The following GRM7 variants were observed in gnomAD, a reference collection of about 807,000 sequenced individuals.
The protein encoded by GRM7 is metabotropic glutamate receptor 7.
In GRM7, 35 loss-of-function variants were observed where a neutral mutation model predicts 84.5. That is an observed-to-expected ratio of 0.41 (90% CI 0.32 to 0.55). The LOEUF (loss-of-function observed/expected upper bound fraction) is 0.55, where lower values mean the gene tolerates loss of function less well. Ranked by LOEUF, GRM7 falls within the 20% of genes least tolerant of loss-of-function variation. GRM7 has a pLI of 0.19. For synonymous variants in GRM7, 487 were observed against 455.1 expected (o/e 1.07, Z -0.89); for missense variants, 1,003 against 1,194.6 (o/e 0.84, Z 2.36).
chr3:7,123,235 G>T (rs1479741617), intron 1 of GRM7, among the ~76,000 whole-genome samples: 1 of 152,208 alleles, frequency 6.6e-6, no homozygotes, highest in Non-Finnish European at 1.5e-5. Flanking sequence ...AAGCTGCCTT[G>T]ATGAGGGTGA....
At chr3:7,178,284 T>C (rs1695220300) in intron 2 of GRM7, among the ~76,000 whole-genome samples, 1 of 151,914 alleles carries the variant, frequency 6.6e-6, no homozygotes, top group Admixed American at 6.6e-5. Context: ...ACTTAGAAGC[T>C]TTTTTTTAGG....
chr3:7,540,005 A>C (rs545891589), intron 7 of GRM7, among the ~76,000 whole-genome samples: 1 of 152,200 alleles, frequency 6.6e-6, no homozygotes, highest in Non-Finnish European at 1.5e-5. Context: ...TCCTTTTAAT[A>C]ACTTTGCAAA....
intron 7 of GRM7, among the ~76,000 whole-genome samples, chr3:7,561,893 CA>C (rs1694043065): frequency 6.6e-6 from 1 of 152,106 alleles, no homozygotes; most frequent in Non-Finnish European, 1.5e-5. Flanking sequence ...CCAAACTCCA[CA>C]AGGCATGGGA....
At chr3:7,220,710 ATAG>A (rs1396293216) in intron 2 of GRM7, among the ~76,000 whole-genome samples, 1 of 152,236 alleles carries the variant, frequency 6.6e-6, no homozygotes, top group Non-Finnish European at 1.5e-5. Context: ...TTAGATGTTA[ATAG>A]TAGGGGAGAC....
intron 8 of GRM7, among the ~76,000 whole-genome samples, chr3:7,657,467 A>G (rs574774765): frequency 6.6e-6 from 1 of 152,234 alleles, no homozygotes; most frequent in Non-Finnish European, 1.5e-5. Flanking sequence ...TGAAGCAGCT[A>G]CAACATGTTA....
intron 7 of GRM7, among the ~76,000 whole-genome samples, chr3:7,527,278 T>C (rs1700844495): frequency 6.6e-6 from 1 of 152,074 alleles, no homozygotes; most frequent in African/African-American, 2.4e-5. Flanking sequence ...TTTTATTCTT[T>C]TGTGGCTATT....
chr3:7,325,834 T>A (rs532219685), intron 4 of GRM7, among the ~76,000 whole-genome samples: 1 of 152,308 alleles, frequency 6.6e-6, no homozygotes, highest in East Asian at 1.9e-4. Context: ...TGGGTATTTA[T>A]GAGCTTCCTC....
At chr3:7,374,640 G>A (rs1694269624) in intron 4 of GRM7, among the ~76,000 whole-genome samples, 1 of 141,788 alleles carries the variant, frequency 7.1e-6, no homozygotes, top group Admixed American at 6.9e-5. Context: ...CACCATACCT[G>A]GCCATTTTTT....
At chr3:7,554,742 G>T (rs533636601) in intron 7 of GRM7, among the ~76,000 whole-genome samples, 6 of 152,222 alleles carry the variant, frequency 3.9e-5, no homozygotes, top group African/African-American at 1.4e-4. Context: ...CCATTTTGAG[G>T]GCCTCCTCCC....
chr3:7,239,827 G>A (rs1469659184), intron 2 of GRM7, among the ~76,000 whole-genome samples: 2 of 152,234 alleles, frequency 1.3e-5, no homozygotes, highest in Non-Finnish European at 2.9e-5. Context: ...TTTCTATCAA[G>A]GCTTTGATTC....
chr3:7,129,603 C>T (rs974563396), intron 1 of GRM7, among the ~76,000 whole-genome samples: 3 of 152,114 alleles, frequency 2.0e-5, no homozygotes, highest in Admixed American at 1.3e-4. Context: ...AAACAACTGC[C>T]CATTTGTCTT....
intron 9 of GRM7, among the ~76,000 whole-genome samples, chr3:7,704,892 C>A (rs951181496): frequency 6.6e-6 from 1 of 152,138 alleles, no homozygotes; most frequent in Non-Finnish European, 1.5e-5. Flanking sequence ...CTTGGCCATG[C>A]TTTACGGCAG....
chr3:7,354,728 A>G (rs1305962085), intron 4 of GRM7, among the ~76,000 whole-genome samples: 2 of 152,120 alleles, frequency 1.3e-5, no homozygotes, highest in African/African-American at 4.8e-5. Context: ...GGCGACTCCA[A>G]TTGCAGCTTC....
chr3:7,210,724 C>T (rs946500414), intron 2 of GRM7, among the ~76,000 whole-genome samples: 5 of 152,036 alleles, frequency 3.3e-5, no homozygotes, highest in African/African-American at 9.7e-5. Context: ...CCTACCCTTT[C>T]CTCACACGCT....
chr3:7,259,999 AGAT>A lies in GRM7; in HGVS notation c.737-38681_737-38679del, dbSNP rs1005857213. 7.6e-5 allele frequency among the ~76,000 whole-genome samples: 9 copies of A among 117,692 alleles called. No homozygotes were observed. In the East Asian group the frequency reaches 8.1e-4, roughly 11 times the overall value. 77.2% of individuals were successfully genotyped at this position (117,692 alleles called of 152,430 possible). ...AATAATAGCCATCTGGGTGGGTGTG[AGAT>A]GATATTTCATTGTGGTTTTTATTTG... On this transcript the variant is annotated intron_variant, in intron 2 of 9. Transcript: ENST00000357716.
At chr3:6,992,226 C>G (rs1353121645) in intron 1 of GRM7, among the ~76,000 whole-genome samples, 1 of 152,184 alleles carries the variant, frequency 6.6e-6, no homozygotes, top group Non-Finnish European at 1.5e-5. Context: ...TGATTTACTA[C>G]TATTCAATAC....
At chr3:7,452,995 G>T (rs1176403072) in intron 6 of GRM7, among the ~76,000 whole-genome samples, 188 bp downstream of exon 6, 6 of 151,298 alleles carry the variant, frequency 4.0e-5, no homozygotes, top group Non-Finnish European at 7.4e-5. Flanking sequence ...TATATTTGGG[G>T]GTTATGGTTT....
chr3:7,617,197 C>A (rs777277762), intron 8 of GRM7, among the ~76,000 whole-genome samples: 1 of 152,006 alleles, frequency 6.6e-6, no homozygotes, highest in East Asian at 1.9e-4. Context: ...ACAAGCTTAA[C>A]GTTCCAATAA....
intron 1 of GRM7, among the ~76,000 whole-genome samples, chr3:6,902,933 G>A: frequency 6.6e-6 from 1 of 151,070 alleles, no homozygotes; most frequent in Non-Finnish European, 1.5e-5. Flanking sequence ...TATATGTTTT[G>A]GATACAGATG....
Sources: allele counts gnomAD v4.1 joint callset (sites outside exome capture counted in the v4.1 genomes callset), GRCh38; gene constraint gnomAD v4.1.1; transcripts MANE v1.5; gene names NCBI Gene and HGNC (gene_info 2026-07-23, HGNC 2026-07-21).